The following CEP63 variants were observed in gnomAD, a reference collection of about 807,000 sequenced individuals.
The protein encoded by CEP63 is centrosomal protein 63.
In CEP63, 84 loss-of-function variants were observed where a neutral mutation model predicts 89.1. The ratio of observed to expected loss-of-function variants is 0.94; its 90% confidence interval spans 0.79 to 1.13. The LOEUF (loss-of-function observed/expected upper bound fraction) is 1.13, where lower values mean the gene tolerates loss of function less well. CEP63 is among the 50% of genes most tolerant of loss of function. CEP63 has a pLI of 0.00. For missense variants in CEP63, 838 were observed against 813.3 expected (o/e 1.03, Z -0.37); for synonymous variants, 267 against 272.5 (o/e 0.98, Z 0.20).
chr3:134,523,402 CCATTTGTTGACTTG>C (rs1559935736), intron 3 of CEP63, among the ~76,000 whole-genome samples: 2 of 151,928 alleles, frequency 1.3e-5, no homozygotes, highest in African/African-American at 4.8e-5. Context: ...TAATTAGATC[CCATTTGTTGACTTG>C]CTTTTGTTGC....
the CEP63 span, among the ~76,000 whole-genome samples, chr3:134,775,474 C>T: frequency 2.6e-5 from 4 of 152,190 alleles, no homozygotes; most frequent in Non-Finnish European, 5.9e-5. Flanking sequence ...AATCTCCAAG[C>T]TGAGGCAGTG....
chr3:134,738,289 C>T, the CEP63 span, among the ~76,000 whole-genome samples: 1 of 138,850 alleles, frequency 7.2e-6, no homozygotes, highest in Non-Finnish European at 1.6e-5. Context: ...CACACACACA[C>T]CACAATATCT....
At chr3:134,678,953 C>T in the CEP63 span, among the ~76,000 whole-genome samples, 1 of 152,094 alleles carries the variant, frequency 6.6e-6, no homozygotes, top group African/African-American at 2.4e-5. Flanking sequence ...AATAGTTCCC[C>T]CAGAGCTCAT....
intron 6 of CEP63, among the ~76,000 whole-genome samples, chr3:134,545,108 C>T (rs1952971563): frequency 6.6e-6 from 1 of 152,152 alleles, no homozygotes; most frequent in African/African-American, 2.4e-5. Context: ...ATTCTCCTGC[C>T]TCAGCCTCCC....
At position 134,559,308 on chromosome 3, in the gene CEP63, CT is replaced by C; in HGVS notation, c.1835del (p.Leu612Ter). 6.2e-7 allele frequency: 1 copy of C among 1,614,170 alleles called. No homozygotes were observed. The highest frequency in any genetic ancestry group is 1.1e-5 in the South Asian group (1 of 91,080). On this transcript the variant is annotated frameshift_variant, in exon 14 of 15. Transcript: ENST00000675561. LOFTEE classifies it high-confidence loss of function. The stretch of plus-strand genomic sequence containing the variant: ...ATCAGCCCTTGCAGCTCCACCAGGT[CT>C]TTGACTTCCTACTCTCTATGTAAAA... Reference protein sequence around the residue: ...PQISPCSSTRSLTSYSLCKTH... With the variant: ...PQISPCSSTRXLTSYSLCKTH...
chr3:134,600,839 C>A, the CEP63 span: 6 of 152,292 alleles, frequency 3.9e-5, no homozygotes. Context: ...GATGCCCTCA[C>A]AGCTTGTGCG....
the CEP63 span, among the ~76,000 whole-genome samples, chr3:134,635,504 A>AAAAG: frequency 6.6e-6 from 1 of 151,062 alleles, no homozygotes; most frequent in Non-Finnish European, 1.5e-5. Flanking sequence ...AAAAAAAAAA[A>AAAAG]AAAAAAAAAA....
the CEP63 span, among the ~76,000 whole-genome samples, chr3:134,691,206 A>G: frequency 6.6e-6 from 1 of 151,060 alleles, no homozygotes; most frequent in Non-Finnish European, 1.5e-5. Context: ...AATACCAAAA[A>G]TTTTAGCTGG....
the CEP63 span, among the ~76,000 whole-genome samples, chr3:134,661,005 A>C: frequency 6.6e-6 from 1 of 152,184 alleles, no homozygotes; most frequent in South Asian, 2.1e-4. Context: ...TGCAGGTAGC[A>C]CACGGGACTG....
chr3:134,687,958 A>G, the CEP63 span, among the ~76,000 whole-genome samples: 1 of 152,354 alleles, frequency 6.6e-6, no homozygotes, highest in East Asian at 1.9e-4. Flanking sequence ...CTCACGCATC[A>G]CTGACGGGGA....
At chr3:134,727,769 A>G in the CEP63 span, among the ~76,000 whole-genome samples, 4 of 152,368 alleles carry the variant, frequency 2.6e-5, no homozygotes, top group East Asian at 7.7e-4. Flanking sequence ...GTCTATATGC[A>G]TGTGTTAGGG....
At position 134,559,237 on chromosome 3, in the gene CEP63, T is replaced by C. The variant is rs569386145; in HGVS notation, c.1761T>C (p.Asp587=). Residue 587 remains aspartate (D), a synonymous_variant, in exon 14 of 15, where the codon GAT becomes GAC. Coordinates refer to ENST00000675561, the MANE Select transcript of CEP63 (RefSeq NM_001353108.3). ...DLHSPRGQAS[D]SINPMSRVLS... is the part of the protein sequence containing the mutation. ...ATTCTCCAAGAGGACAAGCGTCGGA[T>C]AGTATAAACCCCATGTCTAGGGTGC... 4.3e-6 allele frequency: 7 copies of C among 1,614,158 alleles called. 1 individual carries two copies. In the South Asian group the frequency reaches 6.6e-5, roughly 15 times the overall value.
intron 2 of CEP63, among the ~76,000 whole-genome samples, chr3:134,504,958 G>T (rs1381406068): frequency 6.6e-6 from 1 of 152,044 alleles, no homozygotes; most frequent in East Asian, 1.9e-4. Flanking sequence ...CAGGATTTCT[G>T]TTTGGCTCTT....
In CEP63 at chr3:134,547,557, A is replaced by C. The variant is rs1419132399; in HGVS notation, c.1067+85A>C. On this transcript the variant is annotated intron_variant, in intron 9 of 14. Coordinates refer to ENST00000675561, the MANE Select transcript of CEP63 (RefSeq NM_001353108.3). ...CATATTGTAAATGAATGTAATAGTC[A>C]TAGTAAAAAAAATAAGATTTTTTTC... 1.5e-5 allele frequency: 16 copies of C among 1,056,056 alleles called. No homozygotes were observed. The African/African-American group carries it at 1.9e-4, about 13-fold the overall frequency. 65.4% of individuals were successfully genotyped at this position (1,056,056 alleles called of 1,614,324 possible).
chr3:134,499,059 G>C (rs930280705), intron 2 of CEP63, among the ~76,000 whole-genome samples: 5 of 152,166 alleles, frequency 3.3e-5, no homozygotes, highest in Non-Finnish European at 5.9e-5. Flanking sequence ...TGTAGAATGA[G>C]TTAGGAAAAT....
rs1047636707 is a variant in CEP63, at chr3:134,504,835, T to C, written c.45-2274T>C. ...TTTTGTTGTTTTTGTTGTTGTCTCATGGGGTTATTTCAAAAGGTCCATCTT... is the reference window on the plus strand; with the variant it reads ...TTTTGTTGTTTTTGTTGTTGTCTCACGGGGTTATTTCAAAAGGTCCATCTT... On this transcript the variant is annotated intron_variant, in intron 2 of 14. Transcript: ENST00000675561. 6.5e-4 allele frequency among the ~76,000 whole-genome samples: 99 copies of C among 152,102 alleles called. 6 individuals are homozygous for C. Among genetic ancestry groups the C allele is most frequent in the Non-Finnish European group, 2.9e-5 (2 of 68,006 alleles).
At chr3:134,749,118 G>T in the CEP63 span, among the ~76,000 whole-genome samples, 31 of 152,316 alleles carry the variant, frequency 2.0e-4, no homozygotes, top group African/African-American at 7.2e-4. Flanking sequence ...GGGCCTGGCA[G>T]TGGGACTCGC....
the CEP63 span, among the ~76,000 whole-genome samples, chr3:134,769,979 C>G: frequency 1.3e-5 from 2 of 152,250 alleles, no homozygotes; most frequent in African/African-American, 4.8e-5. Flanking sequence ...CTGTATCATG[C>G]CCAGAGCTTT....
the CEP63 span, among the ~76,000 whole-genome samples, chr3:134,733,937 A>G: frequency 6.6e-6 from 1 of 152,220 alleles, no homozygotes; most frequent in Admixed American, 6.5e-5. Flanking sequence ...ATCTTATTCA[A>G]TGGGGAAAAA....
Sources: allele counts gnomAD v4.1 joint callset (sites outside exome capture counted in the v4.1 genomes callset), GRCh38; gene constraint gnomAD v4.1.1; transcripts MANE v1.5; gene names NCBI Gene and HGNC (gene_info 2026-07-23, HGNC 2026-07-21).